SLC25A21: variants seen among roughly 807,000 people sequenced by gnomAD.
The protein encoded by SLC25A21 is solute carrier family 25 member 21, also known as mitochondrial 2-oxodicarboxylate carrier.
Under a neutral mutation model 43.8 loss-of-function variants are expected in SLC25A21, and 47 were observed. The ratio of observed to expected loss-of-function variants is 1.07; its 90% CI spans 0.85 to 1.37. SLC25A21 has a LOEUF of 1.37. SLC25A21 is among the 40% of genes most tolerant of loss of function. SLC25A21 has a pLI of 0.00. For synonymous variants in SLC25A21, 131 were observed against 121.3 expected (o/e 1.08, Z -0.52); for missense variants, 352 against 350.2 (o/e 1.00, Z -0.04).
At chr14:36,921,088 T>C (rs1325982154) in intron 1 of SLC25A21, among the ~76,000 whole-genome samples, 1 of 152,128 alleles carries the variant, frequency 6.6e-6, no homozygotes, top group Non-Finnish European at 1.5e-5. Context: ...AACTTATGGA[T>C]TTTTAGGCCT....
intron 1 of SLC25A21, among the ~76,000 whole-genome samples, chr14:36,937,708 C>T (rs1413072503): frequency 2.0e-5 from 3 of 152,072 alleles, no homozygotes; most frequent in Admixed American, 6.6e-5. Context: ...GGTTAGTCCA[C>T]GTGGGAATGG....
At chr14:36,682,784 T>C (rs140056735) in intron 9 of SLC25A21, among the ~76,000 whole-genome samples, 48 of 152,212 alleles carry the variant, frequency 3.2e-4, no homozygotes, top group South Asian at 6.2e-4. Flanking sequence ...ACAAAATCCA[T>C]GTGTAAAGGC....
At chr14:36,744,605 G>T (rs576665582) in intron 3 of SLC25A21, among the ~76,000 whole-genome samples, 123 of 40,022 alleles carry the variant, frequency 3.1e-3, no homozygotes, top group African/African-American at 0.028. Context: ...AAATATAGGA[G>T]AAATTCTTCT....
chr14:36,811,607 G>C (rs969262878), intron 3 of SLC25A21, among the ~76,000 whole-genome samples: 5 of 152,090 alleles, frequency 3.3e-5, no homozygotes, highest in Admixed American at 6.6e-5. Flanking sequence ...AGCAGAGATT[G>C]TGCCATTGCA....
chr14:36,943,795 C>T lies in SLC25A21; in HGVS notation c.71-68791G>A, dbSNP rs113182189. Among the ~76,000 whole-genome samples, 80 of 152,226 alleles carry T rather than the reference C, an allele frequency of 5.3e-4. 1 individual carries two copies. The highest frequency in any genetic ancestry group is 1.7e-3 in the African/African-American group (69 of 41,550). Reference sequence around the variant, plus strand: ...TTTCGCCAAGGCTTGGAAATAAGAACAGGGTATGAGTCTTATACCACCTAA... The same window carrying T: ...TTTCGCCAAGGCTTGGAAATAAGAATAGGGTATGAGTCTTATACCACCTAA... On this transcript the variant is annotated intron_variant, in intron 1 of 9. Coordinates refer to ENST00000331299, the MANE Select transcript of SLC25A21 (RefSeq NM_030631.4).
chr14:37,160,035 G>C (rs1441576261), intron 1 of SLC25A21, among the ~76,000 whole-genome samples: 2 of 152,122 alleles, frequency 1.3e-5, no homozygotes, highest in Non-Finnish European at 2.9e-5. Flanking sequence ...TACCCAGTTA[G>C]AATGGTTATT....
intron 3 of SLC25A21, among the ~76,000 whole-genome samples, chr14:36,761,701 T>A (rs1886163623): frequency 6.6e-6 from 1 of 152,214 alleles, no homozygotes; most frequent in African/African-American, 2.4e-5. Flanking sequence ...AGATCTGTAG[T>A]GATACCAAAT....
intron 1 of SLC25A21, among the ~76,000 whole-genome samples, chr14:36,924,650 A>AG (rs1255739079): frequency 6.6e-6 from 1 of 152,106 alleles, no homozygotes; most frequent in African/African-American, 2.4e-5. Flanking sequence ...CCTTGTGCAC[A>AG]TGTACCCTAG....
intron 1 of SLC25A21, among the ~76,000 whole-genome samples, chr14:36,982,771 G>T (rs778165393): frequency 7.2e-5 from 11 of 151,928 alleles, no homozygotes; most frequent in African/African-American, 2.7e-4. Flanking sequence ...CCAAAACGGC[G>T]ACACTGCACT....
intron 1 of SLC25A21, among the ~76,000 whole-genome samples, chr14:37,132,419 G>A (rs1353070992): frequency 2.0e-5 from 3 of 152,112 alleles, no homozygotes; most frequent in East Asian, 1.9e-4. Context: ...GGTTGAAAGT[G>A]CAAATTTAAA....
chr14:37,085,863 TGGCAGGCCGAG>T (rs1962474786), intron 1 of SLC25A21, among the ~76,000 whole-genome samples: 1 of 152,168 alleles, frequency 6.6e-6, no homozygotes, highest in Non-Finnish European at 1.5e-5. Context: ...CCCAGCACTT[TGGCAGGCCGAG>T]GCAGGCAGAT....
chr14:36,684,677 A>AGGACAATACGGTTC, intron 8 of SLC25A21, 67 bp downstream of exon 8: 1 of 1,420,748 alleles, frequency 7.0e-7, no homozygotes, highest in East Asian at 2.3e-5. Flanking sequence ...TCTAAATGGA[A>AGGACAATACGGTTC]GGACAATACG....
intron 1 of SLC25A21, among the ~76,000 whole-genome samples, chr14:37,026,274 G>C (rs1961090995): frequency 6.6e-6 from 1 of 151,970 alleles, no homozygotes; most frequent in South Asian, 2.1e-4. Context: ...TTATAAGTTG[G>C]CTAGACAAGG....
At chr14:36,806,003 T>A (rs1405581916) in intron 3 of SLC25A21, among the ~76,000 whole-genome samples, 1 of 151,882 alleles carries the variant, frequency 6.6e-6, no homozygotes, top group East Asian at 1.9e-4. Flanking sequence ...TCATTTGAGG[T>A]CAGGAGTTTG....
Position 36,768,039 on chromosome 14 carries a change from C to T in SLC25A21, c.204-33466G>A, listed in dbSNP as rs192090063. 2.9e-4 allele frequency among the ~76,000 whole-genome samples: 44 copies of T among 152,318 alleles called. 1 individual carries two copies. Among genetic ancestry groups the T allele is most frequent in the Non-Finnish European group, 5.9e-5 (4 of 68,036 alleles). ...CATTGAATTTTGCAGTGTGGAAAAA[C>T]ATGTCGCTGCCTGCAGCTCTGTACT... On this transcript the variant is annotated intron_variant, in intron 3 of 9. Coordinates refer to ENST00000331299, the MANE Select transcript of SLC25A21 (RefSeq NM_030631.4).
chr14:36,968,194 C>T (rs773640613), intron 1 of SLC25A21, among the ~76,000 whole-genome samples: 26 of 152,236 alleles, frequency 1.7e-4, no homozygotes, highest in Middle Eastern at 3.4e-3. Context: ...TTTCTGAAAG[C>T]GAAAAAGATC....
chr14:36,710,915 A>G (rs1226671809), intron 7 of SLC25A21, among the ~76,000 whole-genome samples: 1 of 152,216 alleles, frequency 6.6e-6, no homozygotes, highest in Middle Eastern at 3.2e-3. Context: ...TGAGTTCAAA[A>G]GTTTTTTAAA....
At chr14:36,797,326 T>G (rs1887709393) in intron 3 of SLC25A21, among the ~76,000 whole-genome samples, 1 of 152,142 alleles carries the variant, frequency 6.6e-6, no homozygotes, top group Non-Finnish European at 1.5e-5. Context: ...GACAACAATC[T>G]AATGCTGTTG....
At chr14:36,841,729 C>T (rs712364) in intron 2 of SLC25A21, among the ~76,000 whole-genome samples, 91,367 of 151,902 alleles carry the variant, frequency 0.6, 28,291 homozygotes, top group Admixed American at 0.71. Context: ...TATTGCCTAG[C>T]CCATCAAGGC....
Sources: gnomAD v4.1 joint callset for allele counts (sites outside exome capture counted in the v4.1 genomes callset) on GRCh38, gnomAD v4.1.1 for gene constraint, MANE v1.5 for transcripts, NCBI Gene and HGNC (gene_info 2026-07-23, HGNC 2026-07-21) for gene names.